Variants in LAS1L observed in about 807,000 individuals in gnomAD.
LAS1L encodes the protein ribosomal biogenesis protein LAS1L.
LAS1L carries 5 observed loss-of-function variants against 57.3 expected under a neutral mutation model. That is an observed-to-expected ratio of 0.09 (90% CI 0.05 to 0.18). The LOEUF (loss-of-function observed/expected upper bound fraction) is 0.18. Ranked by LOEUF, LAS1L falls within the 10% of genes least tolerant of loss-of-function variation. The pLI, the probability that LAS1L is intolerant of heterozygous loss-of-function variation, is 1.00. For missense variants in LAS1L, 360 were observed against 568.3 expected, an observed-to-expected ratio of 0.63 and a Z score of 3.73; for synonymous variants, 245 against 231.7, an observed-to-expected ratio of 1.06 and a Z score of -0.52.
At chrX:65,521,265 G>C in intron 11 of LAS1L, 1 of 754,364 alleles carries the variant, frequency 1.3e-6, no homozygotes, top group Non-Finnish European at 1.6e-6. Flanking sequence ...CAGGCACTGG[G>C]TCAGCTCCCA....
intron 8 of LAS1L, 80 bp downstream of exon 8, chrX:65,524,885 C>T: frequency 1.2e-6 from 1 of 826,497 alleles, no homozygotes; most frequent in Non-Finnish European, 1.8e-6. Context: ...ACACCCCAAC[C>T]CAGGGCCCCC....
rs759676837 is a variant in LAS1L at position 65,529,834 on chromosome X, G to A, written c.559C>T (p.Arg187Cys). The A allele has an allele frequency of 9.9e-6, 12 of 1,209,635 alleles. No homozygotes were observed. In the African/African-American group the frequency reaches 1.1e-4, roughly 11 times the overall value. ...TCTCTCAGGCTGTTCTCCAGTTGGC[G>A]GCACCAATAGGTCTTCTGGAGCCAA... is the stretch of plus-strand genomic sequence containing the variant. ...LDWLQKTYWC[R>C]QLENSLRETW... The change falls in exon 5 of 14, where the codon CGC (arginine) becomes TGC (cysteine). Residue 187 changes from arginine (R) to cysteine (C), a missense_variant. Around this residue, in one of 7 missense-constraint regions of LAS1L, gnomAD observed 43 missense variants for 78.0 expected, o/e 0.55. Transcript: ENST00000374811.
chrX:65,517,279 GCT>G (rs1204113700), intron 12 of LAS1L, among the ~76,000 whole-genome samples: 2 of 91,174 alleles, frequency 2.2e-5, no homozygotes, highest in African/African-American at 9.4e-5. Context: ...ACGGAGTCTC[GCT>G]CTGTCACCCA....
Position 65,523,803 on chromosome X carries a change from C to G in LAS1L, c.1301-96G>C, listed in dbSNP as rs750229651. ...TTTGGCTCTGTCCCTCCCCATCCCC[C>G]CAGACTCCCCACCTATACCTCCCAA... is the stretch of plus-strand genomic sequence containing the variant. On this transcript the variant is annotated intron_variant, in intron 10 of 13. Coordinates refer to ENST00000374811, the MANE Select transcript of LAS1L (RefSeq NM_031206.7). 4.2e-6 allele frequency: 4 copies of G among 954,821 alleles called. No individual in the cohort carries two copies. The East Asian group carries it at 1.0e-4, about 24-fold the overall frequency. 78.7% of individuals were successfully genotyped at this position (954,821 alleles called of 1,213,427 possible). A position where few individuals can be genotyped will look rare whatever the true frequency, so the allele number is the denominator to read the frequency against.
At chrX:65,525,789 G>A (rs1356553242) in intron 7 of LAS1L, among the ~76,000 whole-genome samples, 1 of 95,662 alleles carries the variant, frequency 1.0e-5, no homozygotes, top group Non-Finnish European at 1.9e-5. Flanking sequence ...GCAACCTCCG[G>A]CATAAATGGG....
At chrX:65,520,662 T>G in intron 11 of LAS1L, 1 of 754,434 alleles carries the variant, frequency 1.3e-6, no homozygotes, top group Non-Finnish European at 1.6e-6. Flanking sequence ...GATTCACTGC[T>G]TATCTGGGAA....
rs1166025661 is a variant in LAS1L, at chrX:65,517,858, A to G, written c.1927+129T>C. On this transcript the variant is annotated intron_variant, in intron 12 of 13. Transcript: ENST00000374811. ...AGAAGCCAGCTGTCATCTATGCACC[A>G]GGCTGCCTTCCAGGCTTGCCTCACA... is the stretch of plus-strand genomic sequence containing the variant. 1.3e-4 allele frequency: 138 copies of G among 1,064,378 alleles called. No homozygotes were observed. In the Middle Eastern group the frequency reaches 1.4e-3, roughly 11 times the overall value. 87.7% of individuals were successfully genotyped at this position (1,064,378 alleles called of 1,213,427 possible).
intron 1 of LAS1L, among the ~76,000 whole-genome samples, 167 bp from the exon 2 acceptor site, chrX:65,533,902 CCAACAGTATACAGGGCATGA>C (rs1278281662): frequency 3.6e-4 from 40 of 111,956 alleles, no homozygotes; most frequent in African/African-American, 1.3e-3. Flanking sequence ...TCTGTGGGAT[CCAACAGTATACAGGGCATGA>C]GGAGCTGACT....
Position 65,524,216 on chromosome X carries a change from C to G in LAS1L, c.1140G>C (p.Gln380His). 8.3e-7 allele frequency: 1 copy of G among 1,211,056 alleles called. No homozygotes were observed. The stretch of plus-strand genomic sequence containing the variant: ...GGCCCCTGAGCAGGGGCTGCCAGAA[C>G]TGAGAGAACGGCTTTGGCACCAGGA... ...NDVLVPKPFS[Q>H]FWQPLLRGLH... The change falls in exon 10 of 14, where the codon CAG becomes CAC. Residue 380 changes from glutamine (Q) to histidine (H), a missense_variant. Physicochemically the swap from Gln to His is conservative, Grantham distance 24. This residue lies in a region of LAS1L where 81 missense variants were observed against 192.1 expected (regional missense o/e 0.42). Coordinates refer to ENST00000374811, the MANE Select transcript of LAS1L (RefSeq NM_031206.7).
rs774717010 is a variant in LAS1L at position 65,512,734 on chromosome X, C to A, written c.*41G>T. 1 of 1,147,523 alleles carries A rather than the reference C, an allele frequency of 8.7e-7. No individual in the cohort carries two copies. Among genetic ancestry groups the A allele is most frequent in the East Asian group, 3.3e-5 (1 of 30,587 alleles). 94.6% of individuals were successfully genotyped at this position (1,147,523 alleles called of 1,213,427 possible). On this transcript the variant is annotated 3_prime_UTR_variant, in exon 14 of 14. Coordinates refer to ENST00000374811, the MANE Select transcript of LAS1L (RefSeq NM_031206.7). Reference sequence around the variant, plus strand: ...AGTTGTACTAGGGGGTGGGCTGTTGCCCTGGCACGGCTGGATGAACACTTG... The same window carrying A: ...AGTTGTACTAGGGGGTGGGCTGTTGACCTGGCACGGCTGGATGAACACTTG...
chrX:65,525,641 C>T (rs746233067), intron 7 of LAS1L, among the ~76,000 whole-genome samples: 80 of 107,018 alleles, frequency 7.5e-4, no homozygotes, highest in Non-Finnish European at 1.4e-3. Context: ...AATCTCTCAT[C>T]CCTATCTATT....
At chrX:65,518,658 C>G in intron 11 of LAS1L, 193 bp from the exon 12 acceptor site, 1 of 485,497 alleles carries the variant, frequency 2.1e-6, no homozygotes, top group South Asian at 1.1e-4. Flanking sequence ...CTCTGTGCCT[C>G]ACTTCCATTC....
chrX:65,525,668 G>C (rs1277226327), intron 7 of LAS1L, among the ~76,000 whole-genome samples: 1 of 101,116 alleles, frequency 9.9e-6, no homozygotes, highest in African/African-American at 4.0e-5. Flanking sequence ...TTTATGCCGA[G>C]TGTTCCATTA....
At chrX:65,527,654 G>A (rs1407587961) in intron 7 of LAS1L, among the ~76,000 whole-genome samples, 1 of 110,009 alleles carries the variant, frequency 9.1e-6, no homozygotes, top group Non-Finnish European at 1.9e-5. Context: ...CCAACATGGT[G>A]AAACTCTGTC....
intron 2 of LAS1L, among the ~76,000 whole-genome samples, chrX:65,532,845 C>G (rs1374955381): frequency 8.9e-6 from 1 of 112,058 alleles, no homozygotes; most frequent in African/African-American, 3.2e-5. Flanking sequence ...GAATAAGACA[C>G]TGCTCTAGCC....
In LAS1L at chrX:65,518,120, TTCA is replaced by T. The variant is rs750470319; in HGVS notation, c.1791_1793del (p.Asp597del). The T allele has an allele frequency of 4.3e-4, 509 of 1,197,343 alleles. 1 individual carries two copies. The African/African-American group carries it at 7.3e-3, about 17-fold the overall frequency. On this transcript the variant is annotated inframe_deletion, in exon 12 of 14. Transcript: ENST00000374811. ...CCATTCTGTCTTCCTCTTCATCATC[TTCA>T]TCATCTTCATCCTCCTCTTCCTCCT...
At position 65,534,525 on chromosome X, in the gene LAS1L, T is replaced by C. The variant is rs757847657; in HGVS notation, c.191A>G (p.Lys64Arg). ...GCGGTTAAGCGCGTACCGCTGCAAC[T>C]TATGGTCGTCACAGAACAGATAAAC... is the stretch of plus-strand genomic sequence containing the variant. ...VTVYLFCDDH[K>R]LQRYALNRIT... Residue 64 changes from lysine to arginine, a missense_variant, in exon 1 of 14, where the codon AAG becomes AGG. Transcript: ENST00000374811. The C allele has an allele frequency of 9.9e-6, 12 of 1,209,095 alleles. No homozygotes were observed. The South Asian group carries it at 2.1e-4, about 21-fold the overall frequency.
intron 11 of LAS1L, chrX:65,518,778 T>C: frequency 1.4e-6 from 1 of 738,049 alleles, no homozygotes; most frequent in African/African-American, 2.3e-5. Flanking sequence ...ATAGTGGGCA[T>C]GCAATAAATG....
At chrX:65,531,570 G>T (rs987176809) in intron 3 of LAS1L, 132 bp from the exon 4 acceptor site, 15 of 454,135 alleles carry the variant, frequency 3.3e-5, no homozygotes, top group Non-Finnish European at 4.2e-5. Context: ...CCTGAAAGAA[G>T]ATTCCAATCA....
Sources: allele counts gnomAD v4.1 joint callset (sites outside exome capture counted in the v4.1 genomes callset), GRCh38; gene constraint gnomAD v4.1.1; regional missense constraint gnomAD v4.1.1; transcripts MANE v1.5; gene names NCBI Gene and HGNC (gene_info 2026-07-23, HGNC 2026-07-21).